The following ARID4B variants were observed in gnomAD, a reference collection of about 807,000 sequenced individuals.
The protein encoded by ARID4B is AT-rich interactive domain-containing protein 4B.
A neutral mutation model predicts 147.5 loss-of-function variants in ARID4B; 26 were observed. The observed-to-expected ratio is 0.18, with a 90% confidence interval of 0.13 to 0.24. ARID4B has a LOEUF of 0.24. ARID4B is among the 10% of genes least tolerant of loss of function. The pLI, the probability that ARID4B is intolerant of heterozygous loss-of-function variation, is 1.00. For missense variants in ARID4B, 1,179 were observed against 1,511.5 expected, an observed-to-expected ratio of 0.78 and a Z score of 3.65; for synonymous variants, 512 against 507.9, an observed-to-expected ratio of 1.01 and a Z score of -0.11.
chr1:235,280,603 G>A (rs968824635), intron 2 of ARID4B, among the ~76,000 whole-genome samples: 2 of 152,268 alleles, frequency 1.3e-5, no homozygotes. Flanking sequence ...CAGGTGGCCA[G>A]GATCGCCGAA....
At chr1:235,268,825 A>G (rs1441514266) in intron 2 of ARID4B, among the ~76,000 whole-genome samples, 1 of 152,194 alleles carries the variant, frequency 6.6e-6, no homozygotes, top group Non-Finnish European at 1.5e-5. Context: ...GGATCCTTAG[A>G]AAAATGGTTG....
At chr1:235,302,166 A>AAAG (rs1180286603) in intron 2 of ARID4B, among the ~76,000 whole-genome samples, 69 of 146,438 alleles carry the variant, frequency 4.7e-4, no homozygotes, top group Non-Finnish European at 8.1e-4. Flanking sequence ...AAAAAAAAAA[A>AAAG]AAAAAAAAAA....
intron 19 of ARID4B, among the ~76,000 whole-genome samples, chr1:235,187,975 G>A (rs550639369): frequency 2.6e-5 from 4 of 152,038 alleles, no homozygotes; most frequent in African/African-American, 7.2e-5. Flanking sequence ...TGGATGTGCC[G>A]ATTTGGAAAG....
intron 2 of ARID4B, among the ~76,000 whole-genome samples, chr1:235,296,940 C>T (rs1234865433): frequency 6.6e-6 from 1 of 151,930 alleles, no homozygotes; most frequent in African/African-American, 2.4e-5. Context: ...GCACCCTTAA[C>T]ACCCTGATTG....
intron 12 of ARID4B, among the ~76,000 whole-genome samples, chr1:235,224,364 C>T (rs146773234): frequency 3.8e-4 from 58 of 152,320 alleles, no homozygotes; most frequent in African/African-American, 1.3e-3. Flanking sequence ...CCAAGGCTCA[C>T]TTTTGAGACT....
At chr1:235,174,004 A>C (rs1663663424) in intron 22 of ARID4B, among the ~76,000 whole-genome samples, 1 of 150,750 alleles carries the variant, frequency 6.6e-6, no homozygotes, top group Non-Finnish European at 1.5e-5. Context: ...AACACCAGAT[A>C]CTTTTAAATC....
Position 235,168,050 on chromosome 1 carries a change from T to TA in ARID4B, c.*474dup, listed in dbSNP as rs1663071541. 5.0e-6 allele frequency: 1 copy of TA among 200,774 alleles called. No individual in the cohort carries two copies. The highest frequency in any genetic ancestry group is 1.0e-5 in the Non-Finnish European group (1 of 97,280). 12.4% of individuals were successfully genotyped at this position (200,774 alleles called of 1,614,324 possible). ...ATTACATGTGCTTGACTTATACAAT[T>TA]AAAGCCACCCTAAGGTGACTTGCTT... On this transcript the variant is annotated 3_prime_UTR_variant, in exon 24 of 24. Coordinates refer to ENST00000264183, the MANE Select transcript of ARID4B (RefSeq NM_016374.6).
intron 4 of ARID4B, among the ~76,000 whole-genome samples, 182 bp from the exon 5 acceptor site, chr1:235,255,932 G>T (rs1305220645): frequency 6.6e-6 from 1 of 152,088 alleles, no homozygotes; most frequent in Non-Finnish European, 1.5e-5. Flanking sequence ...CCAGCACTTT[G>T]AGGGGCTGAG....
intron 2 of ARID4B, among the ~76,000 whole-genome samples, chr1:235,308,943 G>C (rs1481008205): frequency 5.9e-5 from 9 of 151,600 alleles, no homozygotes; most frequent in South Asian, 4.2e-4. Flanking sequence ...CCCATCGTCT[G>C]GGACGTGAGG....
chr1:235,263,612 G>A (rs958918957), intron 2 of ARID4B, among the ~76,000 whole-genome samples: 8 of 152,100 alleles, frequency 5.3e-5, no homozygotes, highest in African/African-American at 1.9e-4. Context: ...CTATTCTTTT[G>A]AAGGGCAATA....
intron 2 of ARID4B, among the ~76,000 whole-genome samples, chr1:235,279,144 T>C (rs1182509861): frequency 2.6e-5 from 4 of 151,888 alleles, no homozygotes; most frequent in Non-Finnish European, 5.9e-5. Flanking sequence ...AATTAGAAAC[T>C]CTCCGGGAGG....
chr1:235,223,870 C>T (rs946875762), intron 12 of ARID4B, among the ~76,000 whole-genome samples: 1 of 151,884 alleles, frequency 6.6e-6, no homozygotes. Context: ...AGATTTTATT[C>T]ATTTTCTTTG....
intron 2 of ARID4B, among the ~76,000 whole-genome samples, chr1:235,266,172 C>T (rs532045682): frequency 6.6e-6 from 1 of 152,248 alleles, no homozygotes; most frequent in South Asian, 2.1e-4. Context: ...TGTATCACGA[C>T]CCCTTAGTGT....
chr1:235,230,270 C>T (rs974467162), intron 10 of ARID4B, among the ~76,000 whole-genome samples: 6 of 151,814 alleles, frequency 4.0e-5, no homozygotes, highest in Non-Finnish European at 8.8e-5. Flanking sequence ...AAAAATTAGC[C>T]GGGCATAGTG....
At chr1:235,322,742 A>G (rs1674928261) in intron 2 of ARID4B, among the ~76,000 whole-genome samples, 1 of 152,028 alleles carries the variant, frequency 6.6e-6, no homozygotes, top group Non-Finnish European at 1.5e-5. Context: ...ATTCTATATT[A>G]CCTGATATAT....
intron 17 of ARID4B, among the ~76,000 whole-genome samples, chr1:235,211,193 G>C (rs1666696052): frequency 6.6e-6 from 1 of 152,106 alleles, no homozygotes; most frequent in South Asian, 2.1e-4. Context: ...AATTAGCTGG[G>C]CGTGGTGGTG....
At chr1:235,172,105 T>C (rs896118907) in intron 23 of ARID4B, among the ~76,000 whole-genome samples, 4 of 152,258 alleles carry the variant, frequency 2.6e-5, no homozygotes, top group African/African-American at 9.6e-5. Context: ...ATGTTTTTGG[T>C]AGAGTATAAA....
At chr1:235,195,462 G>A (rs1273780545) in intron 18 of ARID4B, among the ~76,000 whole-genome samples, 1 of 151,946 alleles carries the variant, frequency 6.6e-6, no homozygotes, top group African/African-American at 2.4e-5. Flanking sequence ...GTGTGGTGGT[G>A]TGTGCCTGTA....
chr1:235,274,754 A>G (rs1342976152), intron 2 of ARID4B, among the ~76,000 whole-genome samples: 1 of 152,176 alleles, frequency 6.6e-6, no homozygotes, highest in Non-Finnish European at 1.5e-5. Flanking sequence ...GAATATCTCA[A>G]CTCAGCTATG....
Sources: gnomAD v4.1 joint callset for allele counts (sites outside exome capture counted in the v4.1 genomes callset) on GRCh38, gnomAD v4.1.1 for gene constraint, MANE v1.5 for transcripts, NCBI Gene and HGNC (gene_info 2026-07-23, HGNC 2026-07-21) for gene names.